Variants in FBN2 observed in about 807,000 individuals in gnomAD.
FBN2 encodes fibrillin 2.
In FBN2, 105 loss-of-function variants were observed where a neutral mutation model predicts 355.6. That is an observed-to-expected ratio of 0.30 (90% CI 0.25 to 0.35). The LOEUF is 0.35. Among genes scored for constraint, FBN2 ranks in the 10% least tolerant of loss-of-function variants. The probability of loss-of-function intolerance (pLI) is 1.00; values close to 1 mark genes in which losing one functional copy is unlikely to be tolerated. For missense variants in FBN2, 3,280 were observed against 3,758.7 expected (o/e 0.87, Z 3.33); for synonymous variants, 1,350 against 1,301.2 (o/e 1.04, Z -0.81).
intron 7 of FBN2, chr5:128,446,092 T>C (rs1754057066): frequency 5.4e-6 from 1 of 183,692 alleles, no homozygotes; most frequent in South Asian, 1.1e-4. Flanking sequence ...TATGACACGG[T>C]GCCAACTACT....
intron 34 of FBN2, 144 bp from the exon 35 acceptor site, chr5:128,319,145 A>G: frequency 4.6e-6 from 3 of 656,254 alleles, no homozygotes; most frequent in South Asian, 3.7e-5. Context: ...GGCTAGGTAG[A>G]TAAGTGTAAA....
intron 7 of FBN2, among the ~76,000 whole-genome samples, chr5:128,412,257 C>A (rs1753088511): frequency 6.6e-6 from 1 of 152,346 alleles, no homozygotes; most frequent in Admixed American, 6.5e-5. Context: ...ATATGTTCAA[C>A]TAGGCCTTCC....
chr5:128,353,123 G>T (rs565481931), intron 20 of FBN2, among the ~76,000 whole-genome samples: 3 of 151,440 alleles, frequency 2.0e-5, no homozygotes, highest in Non-Finnish European at 4.4e-5. Context: ...CAGTGAGATC[G>T]TGTCACTGTA....
chr5:128,351,038 T>A, intron 20 of FBN2, 33 bp from the exon 21 acceptor site: 1 of 1,613,692 alleles, frequency 6.2e-7, no homozygotes, highest in Non-Finnish European at 8.5e-7. Context: ...GGGGAGCTCT[T>A]ACCTCTGAAG....
At chr5:128,274,220 T>C (rs559474845) in intron 60 of FBN2, among the ~76,000 whole-genome samples, 1 of 152,206 alleles carries the variant, frequency 6.6e-6, no homozygotes, top group Non-Finnish European at 1.5e-5. Context: ...CCTTAACATG[T>C]GTCTTCTAAA....
At chr5:128,374,865 T>C (rs1176343411) in intron 14 of FBN2, 115 bp from the exon 15 acceptor site, 2 of 1,121,636 alleles carry the variant, frequency 1.8e-6, no homozygotes, top group African/African-American at 3.1e-5. Context: ...CTTTATAATT[T>C]GTGAAGAACA....
At chr5:128,271,927 C>T in intron 62 of FBN2, 72 bp downstream of exon 62, 1 of 1,578,080 alleles carries the variant, frequency 6.3e-7, no homozygotes, top group Non-Finnish European at 8.7e-7. Context: ...TCAACCCTCA[C>T]AATTTGTTCA....
intron 7 of FBN2, among the ~76,000 whole-genome samples, chr5:128,420,860 A>G (rs1334215453): frequency 6.6e-6 from 1 of 152,224 alleles, no homozygotes; most frequent in Non-Finnish European, 1.5e-5. Context: ...AATGTGAAAC[A>G]AGGCACAATA....
Position 128,349,333 on chromosome 5 carries a change from G to A in FBN2, c.2989+14C>T, listed in dbSNP as rs775432537. ...TTGTTTTATACATAGAATACATGAG[G>A]GTGTGAATCTTACCCAAACATACAC... On this transcript the variant is annotated intron_variant, in intron 23 of 64. Coordinates refer to ENST00000262464, the MANE Select transcript of FBN2 (RefSeq NM_001999.4). 9.9e-6 allele frequency: 16 copies of A among 1,613,774 alleles called. No homozygotes were observed. Among genetic ancestry groups the A allele is most frequent in the African/African-American group, 2.7e-5 (2 of 74,878 alleles).
chr5:128,274,739 T>C, intron 59 of FBN2, 56 bp from the exon 60 acceptor site: 7 of 1,095,988 alleles, frequency 6.4e-6, no homozygotes, highest in Non-Finnish European at 9.9e-6. Flanking sequence ...CTATGTTTCC[T>C]TTCTTGTGAA....
chr5:128,466,885 T>C (rs2127087355), intron 5 of FBN2, among the ~76,000 whole-genome samples: 1 of 152,320 alleles, frequency 6.6e-6, no homozygotes, highest in East Asian at 1.9e-4. Context: ...TATCCTATTG[T>C]CCTTCAGATA....
chr5:128,507,477 C>T, intron 5 of FBN2, among the ~76,000 whole-genome samples: 1 of 151,948 alleles, frequency 6.6e-6, no homozygotes, highest in East Asian at 1.9e-4. Flanking sequence ...GGTTGTCTTA[C>T]TGCTAAACTT....
At chr5:128,465,622 T>G (rs567353815) in intron 5 of FBN2, among the ~76,000 whole-genome samples, 1 of 152,302 alleles carries the variant, frequency 6.6e-6, no homozygotes, top group East Asian at 1.9e-4. Context: ...GTTAGGAAGA[T>G]CTCATTAATA....
At chr5:128,471,204 C>A (rs1375744532) in intron 5 of FBN2, among the ~76,000 whole-genome samples, 17 of 151,892 alleles carry the variant, frequency 1.1e-4, no homozygotes, top group Admixed American at 1.1e-3. Flanking sequence ...CTAATTCCTT[C>A]GAGTAATGGA....
chr5:128,480,720 T>C (rs370544269), intron 5 of FBN2, among the ~76,000 whole-genome samples: 1 of 152,148 alleles, frequency 6.6e-6, no homozygotes, highest in Admixed American at 6.5e-5. Context: ...GCGAGACTCC[T>C]TCTCAAATAA....
At chr5:128,453,328 A>G (rs989779211) in intron 6 of FBN2, among the ~76,000 whole-genome samples, 1 of 152,194 alleles carries the variant, frequency 6.6e-6, no homozygotes, top group African/African-American at 2.4e-5. Context: ...CTTATGTCAC[A>G]TCACTTCATC....
At chr5:128,491,843 G>A (rs1408532704) in intron 5 of FBN2, among the ~76,000 whole-genome samples, 4 of 152,074 alleles carry the variant, frequency 2.6e-5, no homozygotes, top group East Asian at 1.9e-4. Context: ...ATTTATATTC[G>A]TTTGGGGCAA....
intron 27 of FBN2, among the ~76,000 whole-genome samples, chr5:128,337,614 G>A (rs980567600): frequency 4.6e-5 from 7 of 152,246 alleles, no homozygotes; most frequent in African/African-American, 1.2e-4. Context: ...AGCCGATCGT[G>A]AGCAGGCACA....
At chr5:128,261,613 A>T in intron 64 of FBN2, 123 bp downstream of exon 64, 2 of 847,700 alleles carry the variant, frequency 2.4e-6, no homozygotes, top group Non-Finnish European at 4.1e-6. Context: ...TGGGTCCATT[A>T]ATTTATCCAT....
Sources: allele counts gnomAD v4.1 joint callset (sites outside exome capture counted in the v4.1 genomes callset), GRCh38; gene constraint gnomAD v4.1.1; transcripts MANE v1.5; gene names NCBI Gene and HGNC (gene_info 2026-07-23, HGNC 2026-07-21).